The following NOTCH1 variants were observed in gnomAD, a reference collection of about 807,000 sequenced individuals.
The protein encoded by NOTCH1 is neurogenic locus notch homolog protein 1.
Under a neutral mutation model 254.8 loss-of-function variants are expected in NOTCH1, and 37 were observed. The ratio of observed to expected loss-of-function variants is 0.15; its 90% CI spans 0.11 to 0.19. The LOEUF is 0.19. Among genes scored for constraint, NOTCH1 ranks in the 10% least tolerant of loss-of-function variants. The pLI is 1.00. For missense variants in NOTCH1, 2,972 were observed against 3,708.6 expected (o/e 0.80, Z 5.16); for synonymous variants, 1,731 against 1,618.1 (o/e 1.07, Z -1.68).
Position 136,511,335 on chromosome 9 carries a change from C to T in NOTCH1, c.2468-64G>A, listed in dbSNP as rs1843178970. On this transcript the variant is annotated intron_variant, in intron 15 of 33. Transcript: ENST00000651671. Reference sequence around the variant, plus strand: ...CCAGAGGGATCTCCCAAATCGGCCACCGCCTGCTGGTCTTTCCGCCATCAG... The same window carrying T: ...CCAGAGGGATCTCCCAAATCGGCCATCGCCTGCTGGTCTTTCCGCCATCAG... The T allele has an allele frequency of 3.9e-6, 6 of 1,541,706 alleles. No individual in the cohort carries two copies. The East Asian group carries it at 1.2e-4, about 31-fold the overall frequency.
In NOTCH1 at chr9:136,519,990, C is replaced by T. The variant is rs78562662; in HGVS notation, c.743-425G>A. Among the ~76,000 whole-genome samples the T allele has an allele frequency of 2.2e-4, 33 of 152,280 alleles. 1 individual carries two copies. The East Asian group carries it at 6.0e-3, about 28-fold the overall frequency. On this transcript the variant is annotated intron_variant, in intron 4 of 33. Coordinates refer to ENST00000651671, the MANE Select transcript of NOTCH1 (RefSeq NM_017617.5). ...GGACATGGGGCCAGCAGGCTGCTGG[C>T]TGGGGCAGGGTGGGCCCCTCGCAGC...
intron 27 of NOTCH1, 163 bp from the exon 28 acceptor site, chr9:136,502,651 C>G: frequency 1.7e-6 from 1 of 577,384 alleles, no homozygotes; most frequent in Non-Finnish European, 3.0e-6. Flanking sequence ...CGCGATTAAT[C>G]AGAATTGCAA....
At position 136,517,305 on chromosome 9, in the gene NOTCH1, T is replaced by C; in HGVS notation, c.1522A>G (p.Lys508Glu). The change falls in exon 9 of 34, where the codon AAG becomes GAG. Residue 508 changes from lysine to glutamate, a missense_variant. By Grantham distance (56) the Lys-to-Glu change is moderately conservative (BLOSUM62 1). This residue lies in a region of NOTCH1 where 128 missense variants were observed against 193.8 expected (regional missense o/e 0.66). Coordinates refer to ENST00000651671, the MANE Select transcript of NOTCH1 (RefSeq NM_017617.5). ...PCLHNGRCLD[K>E]INEFQCECPT... Reference sequence around the variant, plus strand: ...CACTCGCACTGGAACTCATTGATCTTGTCCAGGCAGCGGCCATTGTGCAGG... The same window carrying C: ...CACTCGCACTGGAACTCATTGATCTCGTCCAGGCAGCGGCCATTGTGCAGG... 2 of 1,609,346 alleles carry C rather than the reference T, an allele frequency of 1.2e-6. No individual in the cohort carries two copies. The highest frequency in any genetic ancestry group is 1.7e-6 in the Non-Finnish European group (2 of 1,178,380).
intron 15 of NOTCH1, among the ~76,000 whole-genome samples, chr9:136,512,543 CAA>C (rs1347669802): frequency 6.6e-6 from 1 of 152,214 alleles, no homozygotes; most frequent in African/African-American, 2.4e-5. Flanking sequence ...TCCGCTCACA[CAA>C]AGAGAGCCCG....
chr9:136,544,763 C>A (rs1037283797), intron 1 of NOTCH1, among the ~76,000 whole-genome samples: 3 of 152,146 alleles, frequency 2.0e-5, no homozygotes, highest in African/African-American at 7.2e-5. Context: ...TACCTGCCTC[C>A]GCGGGCGCGC....
Position 136,519,707 on chromosome 9 carries a change from G to T in NOTCH1, c.743-142C>A, listed in dbSNP as rs1253799546. ...CCCCCGGGGTCTGTGCCCGTCCCCTGCCTCACTCCAGTGCCCAGAGGGACA... is the reference window on the plus strand; with the variant it reads ...CCCCCGGGGTCTGTGCCCGTCCCCTTCCTCACTCCAGTGCCCAGAGGGACA... On this transcript the variant is annotated intron_variant, in intron 4 of 33. Coordinates refer to ENST00000651671, the MANE Select transcript of NOTCH1 (RefSeq NM_017617.5). 23 of 1,188,074 alleles carry T rather than the reference G, an allele frequency of 1.9e-5. No homozygotes were observed. In the Middle Eastern group the frequency reaches 2.4e-3, roughly 125 times the overall value. The allele number at this position is 1,188,074 out of a possible 1,614,324, so 73.6% of individuals were successfully genotyped here.
intron 18 of NOTCH1, 89 bp downstream of exon 18, chr9:136,509,644 G>A: frequency 8.2e-7 from 1 of 1,221,534 alleles, no homozygotes; most frequent in African/African-American, 1.5e-5. Context: ...GGCCTAGGCG[G>A]ACGCCTGCAT....
Position 136,527,290 on chromosome 9 carries a change from C to T in NOTCH1, c.141-3311G>A, listed in dbSNP as rs551765074. ...AGGGACCTCAGGCCTGCAGCATGGC[C>T]ATGGCCAGGACCACCAGCCTGTGAG... On this transcript the variant is annotated intron_variant, in intron 2 of 33. Coordinates refer to ENST00000651671, the MANE Select transcript of NOTCH1 (RefSeq NM_017617.5). 8.5e-5 allele frequency among the ~76,000 whole-genome samples: 13 copies of T among 152,376 alleles called. No individual in the cohort carries two copies. In the South Asian group the frequency reaches 2.5e-3, roughly 29 times the overall value.
At chr9:136,511,049 A>C (rs9411206) in intron 16 of NOTCH1, 103 bp downstream of exon 16, 8 of 1,557,024 alleles carry the variant, frequency 5.1e-6, no homozygotes, top group South Asian at 4.5e-5. Context: ...AGCACCCACC[A>C]GCTCCTCTTC....
At chr9:136,498,808 C>T (rs1263831116) in intron 33 of NOTCH1, 91 bp downstream of exon 33, 20 of 1,455,892 alleles carry the variant, frequency 1.4e-5, no homozygotes, top group Non-Finnish European at 1.8e-5. Context: ...GTGGGTCAGG[C>T]CCTTGTGTCC....
intron 31 of NOTCH1, 54 bp from the exon 32 acceptor site, chr9:136,499,313 T>C (rs2133323475): frequency 6.2e-7 from 1 of 1,600,314 alleles, no homozygotes; most frequent in Non-Finnish European, 8.5e-7. Context: ...CACCGATGCC[T>C]CCTGCCCAGA....
At position 136,495,496 on chromosome 9, in the gene NOTCH1, A is replaced by T. The variant is rs1033117538; in HGVS notation, c.*575T>A. 1.5e-5 allele frequency: 6 copies of T among 399,346 alleles called. No individual in the cohort carries two copies. Among genetic ancestry groups the T allele is most frequent in the Non-Finnish European group, 2.2e-5 (5 of 226,624 alleles). 24.7% of individuals were successfully genotyped at this position (399,346 alleles called of 1,614,324 possible). ...TGTTTCCTATTTCAGATGCAAATTAATCCGCGTGCGGAAGGTGAGCCAGCT... is the reference window on the plus strand; with the variant it reads ...TGTTTCCTATTTCAGATGCAAATTATTCCGCGTGCGGAAGGTGAGCCAGCT... On this transcript the variant is annotated 3_prime_UTR_variant, in exon 34 of 34. Coordinates refer to ENST00000651671, the MANE Select transcript of NOTCH1 (RefSeq NM_017617.5).
intron 2 of NOTCH1, among the ~76,000 whole-genome samples, chr9:136,525,031 C>G (rs539479846): frequency 6.6e-6 from 1 of 152,320 alleles, no homozygotes; most frequent in South Asian, 2.1e-4. Context: ...CTGGCCCGTT[C>G]CCTGCCCACG....
In NOTCH1 at chr9:136,545,415, C is replaced by T. The variant is rs1843800568; in HGVS notation, c.61+311G>A. On this transcript the variant is annotated intron_variant, in intron 1 of 33. Transcript: ENST00000651671. The surrounding 1 kb of genome is among the most constrained non-coding windows in gnomAD (Gnocchi z 6.8). ...GCCCGCCCGCCCGGCCGACCGGCGG[C>T]AAGCCCCACGCGCGGCGGGTGAAGG... 6.6e-6 allele frequency among the ~76,000 whole-genome samples: 1 copy of T among 151,948 alleles called. No homozygotes were observed. Among genetic ancestry groups the T allele is most frequent in the African/African-American group, 2.4e-5 (1 of 41,382 alleles).
Position 136,502,281 on chromosome 9 carries a change from A to T in NOTCH1, c.5375T>A (p.Val1792Glu), listed in dbSNP as rs2133330828. The T allele has an allele frequency of 6.2e-7, 1 of 1,610,160 alleles. No individual in the cohort carries two copies. The highest frequency in any genetic ancestry group is 8.5e-7 in the Non-Finnish European group (1 of 1,178,692). ...KRREPLGEDS[V>E]GLKPLKNASD... ...GGCGGCGTCCGCTCACTTGAGGCCC[A>T]CGGAGTCCTCGCCGAGGGGCTCCCG... is the stretch of plus-strand genomic sequence containing the variant. The change falls in exon 28 of 34, where the codon GTG (valine) becomes GAG (glutamate). Residue 1792 changes from valine (V) to glutamate (E), a missense_variant. Coordinates refer to ENST00000651671, the MANE Select transcript of NOTCH1 (RefSeq NM_017617.5).
intron 19 of NOTCH1, 131 bp from the exon 20 acceptor site, chr9:136,508,516 C>G (rs1843126249): frequency 4.7e-6 from 6 of 1,286,942 alleles, no homozygotes; most frequent in South Asian, 1.2e-5. Flanking sequence ...AAACTGCCGC[C>G]CCTGGACTCC....
At position 136,515,631 on chromosome 9, in the gene NOTCH1, G is replaced by A. The variant is rs1466659725; in HGVS notation, c.1755C>T (p.Ala585=). Reference sequence around the variant, plus strand: ...CTGGGCGGCAGAGGCAGGTGAAGGTGGCGACGCCGTCCTTGCAGGAGCCGT... The same window carrying A: ...CTGGGCGGCAGAGGCAGGTGAAGGTAGCGACGCCGTCCTTGCAGGAGCCGT... ...CHYGSCKDGV[A]TFTCLCRPGY... is the part of the protein sequence containing the mutation. The change falls in exon 11 of 34, where the codon GCC becomes GCT. Residue 585 remains alanine (A), a synonymous_variant. Coordinates refer to ENST00000651671, the MANE Select transcript of NOTCH1 (RefSeq NM_017617.5). The A allele has an allele frequency of 8.7e-6, 14 of 1,602,398 alleles. No homozygotes were observed. The highest frequency in any genetic ancestry group is 1.2e-5 in the Non-Finnish European group (14 of 1,177,008).
Position 136,500,710 on chromosome 9 carries a change from G to A in NOTCH1, c.5776C>T (p.Arg1926Cys), listed in dbSNP as rs199652954. The change falls in exon 31 of 34, where the codon CGC becomes TGC. Residue 1926 changes from arginine (R) to cysteine (C), a missense_variant. Arg to Cys is a radical substitution (Grantham distance 180). This residue lies in a region of NOTCH1 where 421 missense variants were observed against 604.4 expected (regional missense o/e 0.70). Coordinates refer to ENST00000651671, the MANE Select transcript of NOTCH1 (RefSeq NM_017617.5). Reference protein sequence around the residue: ...QGASLHNQTDRTGETALHLAA... With the variant: ...QGASLHNQTDCTGETALHLAA... ...AGGTGCAAGGCGGTCTCGCCCGTGCGGTCTGTCTGGTTGTGCAGGCTGGCG... is the reference window on the plus strand; with the variant it reads ...AGGTGCAAGGCGGTCTCGCCCGTGCAGTCTGTCTGGTTGTGCAGGCTGGCG... 207 of 1,609,512 alleles carry A rather than the reference G, an allele frequency of 1.3e-4. No homozygotes were observed. The highest frequency in any genetic ancestry group is 1.6e-4 in the Non-Finnish European group (190 of 1,179,908).
chr9:136,512,865 A>T (rs1292029080), intron 15 of NOTCH1, among the ~76,000 whole-genome samples, 156 bp downstream of exon 15: 1 of 151,926 alleles, frequency 6.6e-6, no homozygotes, highest in African/African-American at 2.4e-5. Flanking sequence ...CCCCGCCCCA[A>T]GAAAGCCACC....
Sources: gnomAD v4.1 joint callset for allele counts (sites outside exome capture counted in the v4.1 genomes callset) on GRCh38, gnomAD v4.1.1 for gene constraint, gnomAD v4.1.1 regional missense constraint, Gnocchi (gnomAD v3.1) non-coding constraint, MANE v1.5 for transcripts, NCBI Gene and HGNC (gene_info 2026-07-23, HGNC 2026-07-21) for gene names.